Variants in MEF2C observed in about 807,000 individuals in gnomAD.
The protein encoded by MEF2C is myocyte enhancer factor 2C, also known as myocyte-specific enhancer factor 2C.
In MEF2C, 6 loss-of-function variants were observed where a neutral mutation model predicts 50.5. The observed-to-expected ratio is 0.12, with a 90% CI of 0.07 to 0.23. The LOEUF (loss-of-function observed/expected upper bound fraction) is 0.23, where lower values mean the gene tolerates loss of function less well. MEF2C is among the 10% of genes least tolerant of loss of function. The pLI is 1.00. For synonymous variants in MEF2C, 183 were observed against 228.0 expected (o/e 0.80, Z 1.78); for missense variants, 276 against 605.0 (o/e 0.46, Z 5.70).
intron 2 of MEF2C, chr5:88,819,489 C>G (rs1396608459): frequency 1.7e-6 from 1 of 577,104 alleles, no homozygotes; most frequent in Non-Finnish European, 2.2e-6. Context: ...TCCTTCAGCT[C>G]CTCAGTCAAG....
In MEF2C at chr5:88,832,219, A is replaced by G. The variant is rs181761249; in HGVS notation, c.-142-8289T>C. On this transcript the variant is annotated intron_variant, in intron 1 of 10. Transcript: ENST00000504921. ...CATCCTGAAATGGACCCACATGTAC[A>G]TTCTCGAAATAATACACGTGTTTAA... 2.5e-3 allele frequency among the ~76,000 whole-genome samples: 377 copies of G among 152,238 alleles called. 2 individuals carry two copies. Among genetic ancestry groups the G allele is most frequent in the African/African-American group, 8.7e-3 (363 of 41,556 alleles).
At chr5:88,734,592 T>TAAAA in intron 6 of MEF2C, 2 of 961,538 alleles carry the variant, frequency 2.1e-6, no homozygotes, top group Non-Finnish European at 2.5e-6. Context: ...TTTTTTTTTT[T>TAAAA]TTTTTTAGCA....
At chr5:88,725,128 T>C (rs922752203) in intron 10 of MEF2C, among the ~76,000 whole-genome samples, 2 of 152,126 alleles carry the variant, frequency 1.3e-5, no homozygotes, top group African/African-American at 2.4e-5. Context: ...TATTCACCTC[T>C]TTGCATCATC....
intron 1 of MEF2C, among the ~76,000 whole-genome samples, chr5:88,867,559 C>T (rs540277561): frequency 8.5e-5 from 13 of 152,132 alleles, no homozygotes; most frequent in South Asian, 8.3e-4. Context: ...CTCAAGTATA[C>T]GGTATGCTCT....
chr5:88,885,783 T>G (rs2150167121), upstream of MEF2C, among the ~76,000 whole-genome samples: 2 of 152,304 alleles, frequency 1.3e-5, no homozygotes, highest in East Asian at 3.9e-4. Context: ...ATGCAGTGAG[T>G]TACAACAGTC....
chr5:88,810,305 A>T (rs985485250), intron 2 of MEF2C, among the ~76,000 whole-genome samples: 6 of 152,174 alleles, frequency 3.9e-5, no homozygotes, highest in African/African-American at 1.4e-4. Context: ...GGAATTTATA[A>T]TAAAGAAGGT....
intron 6 of MEF2C, chr5:88,735,462 A>C: frequency 1.0e-6 from 1 of 985,358 alleles, no homozygotes; most frequent in Non-Finnish European, 1.2e-6. Flanking sequence ...ATAAAGCAGG[A>C]GTGAATGGAT....
chr5:88,779,765 T>TTG (rs1488708024), intron 3 of MEF2C, among the ~76,000 whole-genome samples: 5 of 151,714 alleles, frequency 3.3e-5, no homozygotes, highest in South Asian at 2.1e-4. Context: ...GTGAGGTTTT[T>TTG]TTTTTTTTTA....
At position 88,821,260 on chromosome 5, in the gene MEF2C, T is replaced by G. The variant is rs149146136; in HGVS notation, c.54+2475A>C. 7.5e-4 allele frequency among the ~76,000 whole-genome samples: 113 copies of G among 151,356 alleles called. No homozygotes were observed. In the East Asian group the frequency reaches 0.019, roughly 26 times the overall value. ...CTCAAAAGTGCGACATTAAGATTCT[T>G]TGTTTGTTTGTTTTTTGTTTTTTTG... On this transcript the variant is annotated intron_variant, in intron 2 of 10. Coordinates refer to ENST00000504921, the MANE Select transcript of MEF2C (RefSeq NM_002397.5).
At chr5:88,795,080 G>A (rs926261634) in intron 3 of MEF2C, among the ~76,000 whole-genome samples, 8 of 152,190 alleles carry the variant, frequency 5.3e-5, no homozygotes, top group African/African-American at 1.9e-4. Context: ...GTAGCGTGAT[G>A]CCTTCAGCTT....
chr5:88,734,922 T>C, intron 6 of MEF2C: 1 of 984,742 alleles, frequency 1.0e-6, no homozygotes, highest in Non-Finnish European at 1.2e-6. Context: ...TCAAGTTATT[T>C]TTAAGAACAA....
intron 1 of MEF2C, among the ~76,000 whole-genome samples, chr5:88,830,804 C>G: frequency 6.6e-6 from 1 of 152,050 alleles, no homozygotes; most frequent in Non-Finnish European, 1.5e-5. Flanking sequence ...AAAGGTAAAG[C>G]CTGCACTGTC....
intron 4 of MEF2C, among the ~76,000 whole-genome samples, chr5:88,759,220 C>T (rs1019616593): frequency 2.6e-5 from 4 of 152,076 alleles, no homozygotes; most frequent in Admixed American, 6.5e-5. Flanking sequence ...CAGTGGCTCA[C>T]GCCTGTAATC....
chr5:88,832,296 A>T (rs1813363381), intron 1 of MEF2C, among the ~76,000 whole-genome samples: 1 of 152,112 alleles, frequency 6.6e-6, no homozygotes, highest in African/African-American at 2.4e-5. Flanking sequence ...CTTGCTTATA[A>T]TGATCTTTTA....
intron 1 of MEF2C, among the ~76,000 whole-genome samples, chr5:88,875,766 T>C (rs921418292): frequency 2.0e-5 from 3 of 151,964 alleles, no homozygotes; most frequent in African/African-American, 7.2e-5. Flanking sequence ...CCTCTGTTCC[T>C]TACCCTATGT....
intron 1 of MEF2C, among the ~76,000 whole-genome samples, chr5:88,903,368 A>G (rs1361964155): frequency 6.6e-6 from 1 of 151,902 alleles, no homozygotes; most frequent in Non-Finnish European, 1.5e-5. Flanking sequence ...TAAACATGCA[A>G]TATATTTTAA....
chr5:88,779,692 G>T (rs966592764), intron 3 of MEF2C, among the ~76,000 whole-genome samples: 1 of 151,020 alleles, frequency 6.6e-6, no homozygotes, highest in Non-Finnish European at 1.5e-5. Context: ...GTACTTTTGG[G>T]TAGATTTTAT....
rs1554131413 is a variant in MEF2C at position 88,788,199 on chromosome 5, T to TTTATTTATTTAA, written c.258+16398_258+16399insTTAAATAAATAA. On this transcript the variant is annotated intron_variant, in intron 3 of 10. Coordinates refer to ENST00000504921, the MANE Select transcript of MEF2C (RefSeq NM_002397.5). ...GTTTGTTTATTTATTTATTTATTTA[T>TTTATTTATTTAA]TTATTTATTTAGAGACTGTGTCTCG... Among the ~76,000 whole-genome samples the TTTATTTATTTAA allele has an allele frequency of 1.5e-3, 220 of 151,204 alleles. 1 individual carries two copies. In the South Asian group the frequency reaches 0.022, roughly 15 times the overall value.
At chr5:88,742,369 T>C in intron 6 of MEF2C, 1 of 984,794 alleles carries the variant, frequency 1.0e-6, no homozygotes, top group South Asian at 4.7e-5. Flanking sequence ...TGAATAAAAC[T>C]AGTATTTCAG....
Sources: allele counts gnomAD v4.1 joint callset (sites outside exome capture counted in the v4.1 genomes callset), GRCh38; gene constraint gnomAD v4.1.1; transcripts MANE v1.5; gene names NCBI Gene and HGNC (gene_info 2026-07-23, HGNC 2026-07-21).